Variants in SLC2A9 observed in about 807,000 individuals in gnomAD.
SLC2A9 encodes the protein solute carrier family 2 member 9, also known as solute carrier family 2, facilitated glucose transporter member 9.
Under a neutral mutation model 50.6 loss-of-function variants are expected in SLC2A9, and 39 were observed. The ratio of observed to expected loss-of-function variants is 0.77; its 90% CI spans 0.60 to 1.01. The LOEUF is 1.01. SLC2A9 is among the 50% of genes least tolerant of loss of function. SLC2A9 has a pLI of 0.00. For synonymous variants in SLC2A9, 324 were observed against 276.9 expected (o/e 1.17, Z -1.69); for missense variants, 686 against 677.6 (o/e 1.01, Z -0.14).
rs543499317 is a variant in SLC2A9, at chr4:9,852,419, A to AT, written c.1292-17412dup. Among the ~76,000 whole-genome samples the AT allele has an allele frequency of 1.7e-4, 25 of 150,504 alleles. 1 individual carries two copies. In the East Asian group the frequency reaches 4.9e-3, roughly 29 times the overall value. ...AGGCGCCCGCCACCGCGCCCGGCTA[A>AT]TTTTTTGTATTTTTAGTAGAGACGG... On this transcript the variant is annotated intron_variant, in intron 10 of 11. Coordinates refer to ENST00000264784, the MANE Select transcript of SLC2A9 (RefSeq NM_020041.3).
chr4:9,775,100 T>G (rs1439040263), downstream of SLC2A9, among the ~76,000 whole-genome samples: 1 of 152,028 alleles, frequency 6.6e-6, no homozygotes, highest in Non-Finnish European at 1.5e-5. Context: ...GTAGCTAAGG[T>G]GACAGAAGGA....
intron 3 of SLC2A9, among the ~76,000 whole-genome samples, chr4:9,810,600 C>A: frequency 6.6e-6 from 1 of 152,262 alleles, no homozygotes; most frequent in Admixed American, 6.5e-5. Context: ...ATTTTTGCTG[C>A]AAAAATAGTA....
intron 3 of SLC2A9, among the ~76,000 whole-genome samples, chr4:9,788,985 T>C (rs1339755837): frequency 2.0e-5 from 3 of 152,160 alleles, no homozygotes; most frequent in Non-Finnish European, 4.4e-5. Flanking sequence ...TGTTTCTATA[T>C]CCTCTTAAAA....
At chr4:9,998,367 T>C (rs1759120729) in intron 2 of SLC2A9, among the ~76,000 whole-genome samples, 1 of 152,178 alleles carries the variant, frequency 6.6e-6, no homozygotes, top group Non-Finnish European at 1.5e-5. Flanking sequence ...CAGCTGAACC[T>C]TGGTTTTCTT....
At chr4:9,771,764 G>A (rs1237910474) in intron 1 of SLC2A9, among the ~76,000 whole-genome samples, 11 of 152,206 alleles carry the variant, frequency 7.2e-5, no homozygotes. Flanking sequence ...CTACTACCCT[G>A]GAGTCTTGAG....
At chr4:9,939,106 G>C (rs1747662100) in intron 6 of SLC2A9, among the ~76,000 whole-genome samples, 1 of 152,160 alleles carries the variant, frequency 6.6e-6, no homozygotes, top group South Asian at 2.1e-4. Context: ...TTCAAGCTTA[G>C]AGAAAACGCT....
intron 5 of SLC2A9, among the ~76,000 whole-genome samples, chr4:9,976,498 AT>A (rs1270838286): frequency 6.6e-6 from 1 of 152,246 alleles, no homozygotes; most frequent in Non-Finnish European, 1.5e-5. Flanking sequence ...AGAGACATGA[AT>A]AAAAATTTCC....
At chr4:10,016,789 T>G in intron 2 of SLC2A9, among the ~76,000 whole-genome samples, 1 of 151,990 alleles carries the variant, frequency 6.6e-6, no homozygotes, top group South Asian at 2.1e-4. Flanking sequence ...AAAAATAAAT[T>G]TTAATTAAAA....
rs181509591 is a variant in SLC2A9, at chr4:9,996,817, G to A, written c.374C>T (p.Thr125Met). ...CTTTCCAATCATCTTCACAATTAAC[G>A]TCCCCACAAGTCCACCGATGGCGAA... is the stretch of plus-strand genomic sequence containing the variant. Reference protein sequence around the residue: ...SIFAIGGLVGTLIVKMIGKVL... With the variant: ...SIFAIGGLVGMLIVKMIGKVL... Residue 125 changes from threonine (T) to methionine (M), a missense_variant, in exon 3 of 12, where the codon ACG becomes ATG. By Grantham distance (81) the Thr-to-Met change is moderately conservative. Coordinates refer to ENST00000264784, the MANE Select transcript of SLC2A9 (RefSeq NM_020041.3). 5.0e-5 allele frequency: 81 copies of A among 1,614,034 alleles called. No individual in the cohort carries two copies. The Admixed American group carries it at 7.8e-4, about 16-fold the overall frequency.
intron 10 of SLC2A9, among the ~76,000 whole-genome samples, chr4:9,873,813 G>T (rs1336440172): frequency 6.6e-6 from 1 of 152,200 alleles, no homozygotes; most frequent in Admixed American, 6.5e-5. Context: ...AATCCATGAG[G>T]CTTGGCGGTT....
At chr4:9,809,180 C>T (rs1048001853) in intron 3 of SLC2A9, among the ~76,000 whole-genome samples, 1 of 152,064 alleles carries the variant, frequency 6.6e-6, no homozygotes. Context: ...ATGTCAGACT[C>T]GATTTTTAAT....
At chr4:9,945,531 A>G (rs1474801406) in intron 5 of SLC2A9, among the ~76,000 whole-genome samples, 1 of 152,198 alleles carries the variant, frequency 6.6e-6, no homozygotes, top group African/African-American at 2.4e-5. Context: ...GAGGGGTTCA[A>G]TAGCTCATTG....
chr4:9,965,928 G>T (rs1305585782), intron 5 of SLC2A9, among the ~76,000 whole-genome samples: 1 of 152,122 alleles, frequency 6.6e-6, no homozygotes, highest in African/African-American at 2.4e-5. Flanking sequence ...TTCCCCAAAA[G>T]ACTACAGGGT....
At chr4:9,969,089 C>G (rs899867624) in intron 5 of SLC2A9, among the ~76,000 whole-genome samples, 1 of 152,120 alleles carries the variant, frequency 6.6e-6, no homozygotes, top group Non-Finnish European at 1.5e-5. Context: ...ATTTTCCAGT[C>G]AGGCCCCTAG....
chr4:9,869,165 C>A (rs1732991485), intron 10 of SLC2A9, among the ~76,000 whole-genome samples: 1 of 152,210 alleles, frequency 6.6e-6, no homozygotes, highest in Non-Finnish European at 1.5e-5. Context: ...AAGTCGGGAT[C>A]TGGACTTTTC....
chr4:9,924,301 C>T (rs35922993), intron 6 of SLC2A9, among the ~76,000 whole-genome samples: 8,669 of 152,210 alleles, frequency 0.057, 608 homozygotes, highest in East Asian at 0.39. Context: ...ACCCAGCACC[C>T]GTGCCTCTCC....
At chr4:9,964,348 T>A (rs1390720141) in intron 5 of SLC2A9, among the ~76,000 whole-genome samples, 1 of 152,138 alleles carries the variant, frequency 6.6e-6, no homozygotes, top group Non-Finnish European at 1.5e-5. Context: ...TTTAAAGGAG[T>A]TCAGGCATTA....
chr4:9,784,818 T>C (rs1279287765), intron 3 of SLC2A9, among the ~76,000 whole-genome samples: 1 of 152,248 alleles, frequency 6.6e-6, no homozygotes, highest in Non-Finnish European at 1.5e-5. Context: ...AGTCCCTGCT[T>C]TGAAGCCGTT....
chr4:9,806,141 C>T (rs1385372402), intron 3 of SLC2A9, among the ~76,000 whole-genome samples: 2 of 152,174 alleles, frequency 1.3e-5, no homozygotes, highest in Non-Finnish European at 2.9e-5. Flanking sequence ...GAACAGGCCC[C>T]AACATCTGGC....
Sources: gnomAD v4.1 joint callset for allele counts (sites outside exome capture counted in the v4.1 genomes callset) on GRCh38, gnomAD v4.1.1 for gene constraint, MANE v1.5 for transcripts, NCBI Gene and HGNC (gene_info 2026-07-23, HGNC 2026-07-21) for gene names.